The following CCNT1 variants were observed in gnomAD, a reference collection of about 807,000 sequenced individuals.
CCNT1 encodes cyclin T1.
CCNT1 carries 18 observed loss-of-function variants against 67.3 expected under a neutral mutation model. That is an observed-to-expected ratio of 0.27 (90% CI 0.18 to 0.40). The LOEUF is 0.40. Among genes scored for constraint, CCNT1 ranks in the 10% least tolerant of loss-of-function variants. CCNT1 has a pLI of 1.00. For synonymous variants in CCNT1, 333 were observed against 310.3 expected, an observed-to-expected ratio of 1.07 and a Z score of -0.77; for missense variants, 744 against 884.9, an observed-to-expected ratio of 0.84 and a Z score of 2.02.
chr12:48,706,440 G>A (rs1163210365), intron 2 of CCNT1, among the ~76,000 whole-genome samples: 1 of 152,150 alleles, frequency 6.6e-6, no homozygotes, highest in East Asian at 1.9e-4. Context: ...GAATTTCATT[G>A]TACGTGAATT....
rs376022118 is a variant in CCNT1, at chr12:48,693,605, T to C, written c.1609A>G (p.Thr537Ala). Residue 537 changes from threonine to alanine, a missense_variant, in exon 9 of 9, where the codon ACT becomes GCT. Physicochemically the swap from Thr to Ala is moderately conservative, Grantham distance 58. Around this residue, in one of 3 missense-constraint regions of CCNT1, gnomAD observed 564 missense variants for 574.2 expected, o/e 0.98. Transcript: ENST00000261900. ...KHSHSQLPVGTGNKRPGDPKH... is the reference protein window; with the variant it reads ...KHSHSQLPVGAGNKRPGDPKH... ...GGATCACCAGGACGTTTGTTCCCAG[T>C]ACCAACTGGAAGTTGGGAATGAGAG... 13 of 1,614,072 alleles carry C rather than the reference T, an allele frequency of 8.1e-6. No homozygotes were observed. Among genetic ancestry groups the C allele is most frequent in the Non-Finnish European group, 1.1e-5 (13 of 1,180,030 alleles).
chr12:48,693,690 T>C lies in CCNT1; in HGVS notation c.1524A>G (p.Glu508=), dbSNP rs368324686. The C allele has an allele frequency of 1.2e-5, 20 of 1,614,038 alleles. No homozygotes were observed. The highest frequency in any genetic ancestry group is 1.6e-5 in the Non-Finnish European group (19 of 1,180,040). ...DSVTKSREHK[E]KHKTHPSNHH... ...GATTAGATGGGTGAGTCTTGTGCTT[T>C]TCTTTGTGCTCTCGGCTCTTTGTAA... is the stretch of plus-strand genomic sequence containing the variant. Residue 508 remains glutamate (E), a synonymous_variant, in exon 9 of 9, where the codon GAA becomes GAG. Coordinates refer to ENST00000261900, the MANE Select transcript of CCNT1 (RefSeq NM_001240.4).
chr12:48,694,177 G>C lies in CCNT1; in HGVS notation c.1037C>G (p.Thr346Ser), dbSNP rs1431115457. 1 of 1,614,206 alleles carries C rather than the reference G, an allele frequency of 6.2e-7. No homozygotes were observed. The highest frequency in any genetic ancestry group is 8.5e-7 in the Non-Finnish European group (1 of 1,180,038). ...ATTCTCACTAGTCCGATGACCCTGA[G>C]TAGGTTCTAGTTTGAAAGAAGGTTG... is the stretch of plus-strand genomic sequence containing the variant. ...SSQPSFKLEP[T>S]QGHRTSENLA... Residue 346 changes from threonine to serine, a missense_variant, in exon 9 of 9, where the codon ACT (threonine) becomes AGT (serine). This residue lies in a region of CCNT1 where 564 missense variants were observed against 574.2 expected (regional missense o/e 0.98). Transcript: ENST00000261900.
At chr12:48,695,668 A>G in intron 8 of CCNT1, 91 bp downstream of exon 8, 1 of 824,914 alleles carries the variant, frequency 1.2e-6, no homozygotes, top group Non-Finnish European at 2.0e-6. Flanking sequence ...GGCAATTCCA[A>G]ACCTAGGGTA....
rs759867678 is a variant in CCNT1 at position 48,705,915 on chromosome 12, A to C, written c.244-19T>G. On this transcript the variant is annotated intron_variant, in intron 2 of 8. Transcript: ENST00000261900. ...CCACAGACTGAATGGAGAGAAAATA[A>C]ATCATATTTATTATCAATTTATTCA... The C allele has an allele frequency of 5.0e-6, 8 of 1,601,096 alleles. No individual in the cohort carries two copies. The highest frequency in any genetic ancestry group is 6.8e-6 in the Non-Finnish European group (8 of 1,175,142).
intron 4 of CCNT1, among the ~76,000 whole-genome samples, chr12:48,700,694 T>G (rs11168691): frequency 0.22 from 34,016 of 152,100 alleles, 4,809 homozygotes; most frequent in Non-Finnish European, 0.33. Context: ...GCCATAACAA[T>G]CCACGGAAGG....
At chr12:48,712,312 C>T (rs543573268) in intron 2 of CCNT1, among the ~76,000 whole-genome samples, 7 of 151,782 alleles carry the variant, frequency 4.6e-5, no homozygotes, top group African/African-American at 7.2e-5. Context: ...GATGGAGTTT[C>T]GCTCTTGTTG....
Position 48,696,148 on chromosome 12 carries a change from G to A in CCNT1, c.557C>T (p.Thr186Ile). 1 of 1,558,590 alleles carries A rather than the reference G, an allele frequency of 6.4e-7. No individual in the cohort carries two copies. The highest frequency in any genetic ancestry group is 8.7e-7 in the Non-Finnish European group (1 of 1,147,120). Residue 186 changes from threonine (T) to isoleucine (I), a missense_variant, in exon 7 of 9, where the codon ACA (threonine) becomes ATA (isoleucine). Physicochemically the swap from Thr to Ile is moderately conservative, Grantham distance 89. This residue lies in a region of CCNT1 where 142 missense variants were observed against 277.0 expected (regional missense o/e 0.51). Coordinates refer to ENST00000261900, the MANE Select transcript of CCNT1 (RefSeq NM_001240.4). ...AGGAGGTGTGTACTGCAGGCTAAAT[G>A]TGGTCAAATGCAGGCTGACATCAGA... ...FMATNSLHLT[T>I]FSLQYTPPVV...
intron 6 of CCNT1, 148 bp downstream of exon 6, chr12:48,697,990 T>C: frequency 2.0e-6 from 1 of 502,736 alleles, no homozygotes; most frequent in Non-Finnish European, 3.5e-6. Context: ...CTTAGAAAAT[T>C]AAAAAGTACC....
rs546318630 is a variant in CCNT1, at chr12:48,694,353, A to T, written c.861T>A (p.Ile287=). Residue 287 remains isoleucine, a synonymous_variant, in exon 9 of 9, where the codon ATT becomes ATA. Transcript: ENST00000261900. ...KTSEQTILNM[I]SQSSSDTTIA... ...TGGTTGTGTCTGAAGAGCTCTGGGA[A>T]ATCATATTGAGGATTGTCTGCTCTG... 2.5e-6 allele frequency: 4 copies of T among 1,614,210 alleles called. No homozygotes were observed. The highest frequency in any genetic ancestry group is 2.7e-5 in the African/African-American group (2 of 75,060).
chr12:48,705,260 A>AGC (rs1940336464), intron 3 of CCNT1, among the ~76,000 whole-genome samples: 1 of 151,518 alleles, frequency 6.6e-6, no homozygotes, highest in African/African-American at 2.4e-5. Context: ...TAAAGATGTG[A>AGC]GCCAGCATGC....
At position 48,693,574 on chromosome 12, in the gene CCNT1, T is replaced by A; in HGVS notation, c.1640A>T (p.His547Leu). 1 of 1,614,092 alleles carries A rather than the reference T, an allele frequency of 6.2e-7. No individual in the cohort carries two copies. The highest frequency in any genetic ancestry group is 1.3e-5 in the African/African-American group (1 of 75,010). ...TGCTAAGTTGCTTGTCTGGCTACTA[T>A]GTTTTGGATCACCAGGACGTTTGTT... The part of the protein sequence containing the change: ...TGNKRPGDPK[H>L]SSQTSNLAHK... The change falls in exon 9 of 9, where the codon CAT becomes CTT. Residue 547 changes from histidine to leucine, a missense_variant. Around this residue, in one of 3 missense-constraint regions of CCNT1, gnomAD observed 564 missense variants for 574.2 expected, o/e 0.98. Transcript: ENST00000261900.
chr12:48,692,826 T>C lies in CCNT1; in HGVS notation c.*207A>G, dbSNP rs1592116489. ...AGCTTCAACACCTCTCTAATACCAGTAAAAACTGTAAGAAAATAGTTAAAT... is the reference window on the plus strand; with the variant it reads ...AGCTTCAACACCTCTCTAATACCAGCAAAAACTGTAAGAAAATAGTTAAAT... On this transcript the variant is annotated 3_prime_UTR_variant, in exon 9 of 9. Coordinates refer to ENST00000261900, the MANE Select transcript of CCNT1 (RefSeq NM_001240.4). 1 of 512,888 alleles carries C rather than the reference T, an allele frequency of 1.9e-6. No individual in the cohort carries two copies. Among genetic ancestry groups the C allele is most frequent in the Non-Finnish European group, 3.5e-6 (1 of 288,266 alleles). 31.8% of individuals were successfully genotyped at this position (512,888 alleles called of 1,614,324 possible).
chr12:48,695,518 C>G (rs1159235803), intron 8 of CCNT1, among the ~76,000 whole-genome samples: 1 of 152,096 alleles, frequency 6.6e-6, no homozygotes, highest in African/African-American at 2.4e-5. Flanking sequence ...AAATACTGAA[C>G]CAGTGTTACT....
At chr12:48,696,421 CAA>C (rs112293009) in intron 6 of CCNT1, among the ~76,000 whole-genome samples, 72 of 106,628 alleles carry the variant, frequency 6.8e-4, no homozygotes, top group Non-Finnish European at 8.0e-4. Context: ...TGACCAGAGC[CAA>C]AAAAAAAAAA....
At chr12:48,703,008 C>G (rs1298107483) in intron 3 of CCNT1, among the ~76,000 whole-genome samples, 1 of 151,796 alleles carries the variant, frequency 6.6e-6, no homozygotes, top group African/African-American at 2.4e-5. Context: ...ATAGTCCTAG[C>G]AACTTGGGAG....
chr12:48,694,192 A>G lies in CCNT1; in HGVS notation c.1022T>C (p.Phe341Ser). ...GKRWLSSQPS[F>S]KLEPTQGHRT... ...ATGACCCTGAGTAGGTTCTAGTTTG[A>G]AAGAAGGTTGGGAGGACAGCCAACG... Residue 341 changes from phenylalanine (F) to serine (S), a missense_variant, in exon 9 of 9, where the codon TTC becomes TCC. Phe to Ser is a radical substitution (Grantham distance 155). Transcript: ENST00000261900. 6.2e-7 allele frequency: 1 copy of G among 1,614,224 alleles called. No homozygotes were observed. The highest frequency in any genetic ancestry group is 2.2e-5 in the East Asian group (1 of 44,884).
intron 3 of CCNT1, among the ~76,000 whole-genome samples, chr12:48,705,308 C>G (rs1050330101): frequency 5.9e-4 from 82 of 140,044 alleles, no homozygotes; most frequent in African/African-American, 2.0e-3. Context: ...TGTTGTTTTT[C>G]TTTTTTTGTA....
At chr12:48,695,412 C>T (rs1261781468) in intron 8 of CCNT1, among the ~76,000 whole-genome samples, 5 of 152,114 alleles carry the variant, frequency 3.3e-5, no homozygotes, top group East Asian at 1.9e-4. Context: ...ACTGTGATAC[C>T]GGCTCTAACC....
Sources: gnomAD v4.1 joint callset for allele counts (sites outside exome capture counted in the v4.1 genomes callset) on GRCh38, gnomAD v4.1.1 for gene constraint, gnomAD v4.1.1 regional missense constraint, MANE v1.5 for transcripts, NCBI Gene and HGNC (gene_info 2026-07-23, HGNC 2026-07-21) for gene names.